Variants in PAK3 observed in about 807,000 individuals in gnomAD.
PAK3 encodes serine/threonine-protein kinase PAK 3.
Under a neutral mutation model 41.0 loss-of-function variants are expected in PAK3, and 4 were observed. The observed-to-expected ratio is 0.10, with a 90% confidence interval of 0.05 to 0.22. The LOEUF (loss-of-function observed/expected upper bound fraction) is 0.22. Ranked by LOEUF, PAK3 falls within the 10% of genes least tolerant of loss-of-function variation. The pLI is 1.00. For missense variants in PAK3, 205 were observed against 409.9 expected (o/e 0.50, Z 4.32); for synonymous variants, 146 against 139.6 (o/e 1.05, Z -0.32).
chrX:110,992,396 G>A (rs2091665670), intron 1 of PAK3, among the ~76,000 whole-genome samples: 2 of 110,691 alleles, frequency 1.8e-5, no homozygotes, highest in African/African-American at 6.6e-5. Flanking sequence ...GGAAAGCCAC[G>A]GAGGAGCTTG....
At chrX:111,126,219 C>A (rs1028153484) in intron 5 of PAK3, among the ~76,000 whole-genome samples, 2 of 111,831 alleles carry the variant, frequency 1.8e-5, no homozygotes, top group South Asian at 3.7e-4. Flanking sequence ...TAAAGCCTAT[C>A]ATTTTTACTG....
intron 16 of PAK3, among the ~76,000 whole-genome samples, chrX:111,206,335 C>T (rs2094747193): frequency 9.0e-6 from 1 of 111,690 alleles, no homozygotes; most frequent in African/African-American, 3.3e-5. Context: ...AGTTCCAAAC[C>T]TTGGGTACTG....
intron 1 of PAK3, among the ~76,000 whole-genome samples, chrX:110,997,714 A>C (rs2091765585): frequency 1.8e-5 from 2 of 111,536 alleles, no homozygotes; most frequent in Non-Finnish European, 3.8e-5. Context: ...TGGTCTGAAA[A>C]TTTGTGTTCT....
intron 1 of PAK3, among the ~76,000 whole-genome samples, chrX:111,016,659 G>T (rs928696909): frequency 5.7e-5 from 6 of 106,075 alleles, no homozygotes; most frequent in Non-Finnish European, 1.2e-4. Flanking sequence ...CTATTCAGTA[G>T]ACTCTTTTTG....
chrX:111,042,233 C>T (rs1160749249), intron 1 of PAK3, among the ~76,000 whole-genome samples: 1 of 111,667 alleles, frequency 9.0e-6, no homozygotes, highest in Non-Finnish European at 1.9e-5. Flanking sequence ...TCATGGGCTG[C>T]ATATGGTGTC....
chrX:111,191,108 T>C (rs946288069), intron 11 of PAK3, among the ~76,000 whole-genome samples: 15 of 111,888 alleles, frequency 1.3e-4, no homozygotes, highest in African/African-American at 4.9e-4. Context: ...TTTTGAGACA[T>C]GGACTGGCTC....
At chrX:111,052,191 T>G (rs989129013) in intron 1 of PAK3, among the ~76,000 whole-genome samples, 5 of 111,982 alleles carry the variant, frequency 4.5e-5, no homozygotes, top group Non-Finnish European at 9.4e-5. Flanking sequence ...CAGAAACTGC[T>G]GAGGGAGGGA....
At chrX:110,948,270 A>G (rs1006819851) in intron 1 of PAK3, among the ~76,000 whole-genome samples, 11 of 112,211 alleles carry the variant, frequency 9.8e-5, no homozygotes, top group Non-Finnish European at 1.1e-4. Flanking sequence ...ACTGCTGACT[A>G]GAGAACCCTG....
In PAK3 at chrX:111,076,259, G is replaced by A. The variant is rs778915973; in HGVS notation, c.-27-46818G>A. 2.2e-4 allele frequency among the ~76,000 whole-genome samples: 24 copies of A among 111,548 alleles called. 1 individual carries two copies. Among genetic ancestry groups the A allele is most frequent in the African/African-American group, 6.5e-4 (20 of 30,705 alleles). The stretch of plus-strand genomic sequence containing the variant: ...GCAGAATTATATGGTTTGGATATTC[G>A]TCCCCTCCAAATCTCAAGTTGAAAT... On this transcript the variant is annotated intron_variant, in intron 1 of 14. Coordinates refer to the PAK3 transcript ENST00000425146.
chrX:111,087,766 CAAAAAAAA>C, intron 1 of PAK3, among the ~76,000 whole-genome samples: 1 of 92,657 alleles, frequency 1.1e-5, no homozygotes, highest in South Asian at 5.2e-4. Context: ...AAAAAAAAAA[CAAAAAAAA>C]AAAAAACAGA....
intron 1 of PAK3, among the ~76,000 whole-genome samples, chrX:110,948,128 C>T (rs1416377097): frequency 8.9e-6 from 1 of 111,892 alleles, no homozygotes; most frequent in Non-Finnish European, 1.9e-5. Flanking sequence ...TATCCTCATT[C>T]AACCTTGGCT....
chrX:111,044,637 A>G (rs181547475), intron 1 of PAK3, among the ~76,000 whole-genome samples: 66 of 111,885 alleles, frequency 5.9e-4, no homozygotes, highest in African/African-American at 2.0e-3. Flanking sequence ...TGAATGATCA[A>G]CGAGGTCTCC....
At chrX:111,025,275 G>A (rs1432998067) in intron 1 of PAK3, among the ~76,000 whole-genome samples, 1 of 110,103 alleles carries the variant, frequency 9.1e-6, no homozygotes, top group Non-Finnish European at 1.9e-5. Context: ...CCCAGCAGAA[G>A]CAAAGAAATA....
intron 1 of PAK3, among the ~76,000 whole-genome samples, chrX:111,090,671 C>T (rs768784167): frequency 1.3e-4 from 14 of 111,425 alleles, no homozygotes; most frequent in Non-Finnish European, 1.5e-4. Context: ...TCTGTATCTC[C>T]GGCAAATAAT....
At chrX:111,202,250 TA>T (rs1171291553) in intron 16 of PAK3, among the ~76,000 whole-genome samples, 1 of 111,814 alleles carries the variant, frequency 8.9e-6, no homozygotes, top group African/African-American at 3.2e-5. Flanking sequence ...TGAGATTTTT[TA>T]ATGTAAATGT....
chrX:110,955,336 A>G (rs1247844377), intron 1 of PAK3, among the ~76,000 whole-genome samples: 1 of 112,091 alleles, frequency 8.9e-6, no homozygotes, highest in Non-Finnish European at 1.9e-5. Flanking sequence ...GCTCTTTCCT[A>G]GAAAGATCTT....
chrX:111,025,792 A>T (rs1371125825), intron 1 of PAK3, among the ~76,000 whole-genome samples: 1 of 109,761 alleles, frequency 9.1e-6, no homozygotes, highest in African/African-American at 3.3e-5. Context: ...AAATCATTTT[A>T]TAAAGCCAGA....
chrX:111,089,993 T>C (rs752324609), intron 1 of PAK3, among the ~76,000 whole-genome samples: 2 of 110,543 alleles, frequency 1.8e-5, no homozygotes, highest in Non-Finnish European at 3.8e-5. Flanking sequence ...AAGTCTGTCC[T>C]AGGAATTTCT....
chrX:110,999,676 A>T (rs1275906314), intron 1 of PAK3, among the ~76,000 whole-genome samples: 1 of 78,174 alleles, frequency 1.3e-5, no homozygotes, highest in South Asian at 5.6e-4. Flanking sequence ...TTATAAAAGT[A>T]AAAAAAAAAA....
Sources: gnomAD v4.1 joint callset for allele counts (sites outside exome capture counted in the v4.1 genomes callset) on GRCh38, gnomAD v4.1.1 for gene constraint, MANE v1.5 for transcripts, NCBI Gene and HGNC (gene_info 2026-07-23, HGNC 2026-07-21) for gene names.